CD38: variants seen among roughly 807,000 people sequenced by gnomAD.
CD38 encodes the protein CD38 molecule.
In CD38, 31 loss-of-function variants were observed where a neutral mutation model predicts 36.3. That is an observed-to-expected ratio of 0.85 (90% CI 0.64 to 1.15). The LOEUF (loss-of-function observed/expected upper bound fraction) is 1.15, where lower values mean the gene tolerates loss of function less well. Ranked by LOEUF, CD38 falls within the 50% of genes most tolerant of loss-of-function variation. The pLI is 0.00. For synonymous variants in CD38, 131 were observed against 135.2 expected (o/e 0.97, Z 0.22); for missense variants, 380 against 371.9 (o/e 1.02, Z -0.18).
chr4:15,841,051 GTATT>G (rs1200033694), intron 7 of CD38, among the ~76,000 whole-genome samples: 1 of 151,792 alleles, frequency 6.6e-6, no homozygotes. Context: ...AAAAAAAAAA[GTATT>G]TACAAAATTT....
chr4:15,840,329 G>T (rs1724175215), intron 6 of CD38, 123 bp from the exon 7 acceptor site: 1 of 753,684 alleles, frequency 1.3e-6, no homozygotes, highest in South Asian at 1.7e-5. Context: ...AGCTCTTAGA[G>T]GATTTACCTC....
At chr4:15,838,554 C>G (rs1232152109) in intron 5 of CD38, among the ~76,000 whole-genome samples, 4 of 152,294 alleles carry the variant, frequency 2.6e-5, no homozygotes, top group Admixed American at 6.5e-5. Context: ...TAAATCTTCA[C>G]CATCCATGAA....
rs1722747431 is a variant in CD38 at position 15,783,750 on chromosome 4, C to CTA, written c.233+5103_233+5104insTA. ...AGGACCATCTTTTCTGATTCATGTT[C>CTA]ATGTCGATTTCTTTTTTATTTAACT... On this transcript the variant is annotated intron_variant, in intron 1 of 7. Coordinates refer to ENST00000226279, the MANE Select transcript of CD38 (RefSeq NM_001775.4). Among the ~76,000 whole-genome samples, 9 of 152,292 alleles carry CTA rather than the reference C, an allele frequency of 5.9e-5. No homozygotes were observed. In the South Asian group the frequency reaches 1.9e-3, roughly 32 times the overall value.
intron 1 of CD38, among the ~76,000 whole-genome samples, chr4:15,800,601 C>A (rs984538150): frequency 5.9e-5 from 9 of 152,188 alleles, no homozygotes; most frequent in Admixed American, 2.0e-4. Context: ...GTGTTCAAAT[C>A]TTTTGCCCAT....
intron 1 of CD38, among the ~76,000 whole-genome samples, chr4:15,809,573 T>G (rs1292170963): frequency 6.6e-6 from 1 of 152,178 alleles, no homozygotes; most frequent in African/African-American, 2.4e-5. Flanking sequence ...CCAAAGCTCT[T>G]CAGGTGACCT....
At chr4:15,812,117 T>C (rs1344883972) in intron 1 of CD38, among the ~76,000 whole-genome samples, 1 of 152,228 alleles carries the variant, frequency 6.6e-6, no homozygotes, top group Non-Finnish European at 1.5e-5. Flanking sequence ...CTTGACATAC[T>C]ATTATCATCA....
chr4:15,805,189 T>G (rs1397217328), intron 1 of CD38, among the ~76,000 whole-genome samples: 1 of 152,218 alleles, frequency 6.6e-6, no homozygotes, highest in Non-Finnish European at 1.5e-5. Flanking sequence ...ACCTTTCCAT[T>G]TTCTTTAATG....
chr4:15,822,277 C>T (rs554738440), intron 2 of CD38, among the ~76,000 whole-genome samples: 5 of 152,100 alleles, frequency 3.3e-5, no homozygotes, highest in African/African-American at 7.2e-5. Context: ...CCTTGAAAAC[C>T]GGCACAAGAC....
chr4:15,784,592 GT>G (rs1294234310), intron 1 of CD38, among the ~76,000 whole-genome samples: 1 of 152,154 alleles, frequency 6.6e-6, no homozygotes, highest in Non-Finnish European at 1.5e-5. Flanking sequence ...ATTCCAGCAT[GT>G]TTTTCCCCTG....
rs558728214 is a variant in CD38, at chr4:15,836,250, T to C, written c.586-1842T>C. On this transcript the variant is annotated intron_variant, in intron 4 of 7. Transcript: ENST00000226279. ...AGATTCAATGTCTGGTGAGGGCTGC[T>C]GTCTGCTTCCAAAATGGTGCCTTCT... 2.0e-5 allele frequency among the ~76,000 whole-genome samples: 3 copies of C among 152,316 alleles called. No homozygotes were observed. The South Asian group carries it at 6.2e-4, about 32-fold the overall frequency.
intron 4 of CD38, among the ~76,000 whole-genome samples, chr4:15,835,574 C>T (rs922587717): frequency 3.9e-5 from 6 of 151,908 alleles, no homozygotes; most frequent in African/African-American, 1.5e-4. Flanking sequence ...GACGGAGTTT[C>T]ACCATGTTGG....
At chr4:15,785,855 G>A (rs147453899) in intron 1 of CD38, among the ~76,000 whole-genome samples, 1 of 152,212 alleles carries the variant, frequency 6.6e-6, no homozygotes. Flanking sequence ...GTTCTTAAAG[G>A]TGGTGTGTCC....
chr4:15,796,884 G>C (rs1455353040), intron 1 of CD38, among the ~76,000 whole-genome samples: 1 of 151,882 alleles, frequency 6.6e-6, no homozygotes, highest in Admixed American at 6.6e-5. Context: ...ATCTATGAAC[G>C]TTTCGATTGT....
At chr4:15,791,138 C>A (rs1309773073) in intron 1 of CD38, among the ~76,000 whole-genome samples, 13 of 115,224 alleles carry the variant, frequency 1.1e-4, no homozygotes, top group African/African-American at 1.7e-4. Context: ...TGAGGAGCCC[C>A]TCTGCCCGGC....
At chr4:15,783,243 AG>A (rs1722736135) in intron 1 of CD38, among the ~76,000 whole-genome samples, 1 of 152,148 alleles carries the variant, frequency 6.6e-6, no homozygotes, top group Non-Finnish European at 1.5e-5. Flanking sequence ...GGACGGACCC[AG>A]GTGATGTCAG....
At chr4:15,847,774 C>T (rs1036476882) in intron 7 of CD38, among the ~76,000 whole-genome samples, 4 of 152,100 alleles carry the variant, frequency 2.6e-5, no homozygotes, top group Non-Finnish European at 5.9e-5. Flanking sequence ...AAACATTAAC[C>T]TTTTTCTCAT....
chr4:15,800,003 G>A (rs1723183050), intron 1 of CD38, among the ~76,000 whole-genome samples: 1 of 152,126 alleles, frequency 6.6e-6, no homozygotes, highest in Admixed American at 6.5e-5. Flanking sequence ...AAATAGGGAA[G>A]CTAAAAGCAG....
chr4:15,851,529 T>C lies in CD38; in HGVS notation c.*2927T>C, dbSNP rs1724385741. On this transcript the variant is annotated 3_prime_UTR_variant, in exon 8 of 8. Coordinates refer to ENST00000226279, the MANE Select transcript of CD38 (RefSeq NM_001775.4). ...TTTCTAAATTCCTAAGGCTCACCAT[T>C]TTCCTATTGTAATGGTTCTTGACCT... The C allele has an allele frequency of 6.6e-6, 1 of 152,136 alleles. No individual in the cohort carries two copies. The highest frequency in any genetic ancestry group is 1.5e-5 in the Non-Finnish European group (1 of 68,010). 9.4% of individuals were successfully genotyped at this position (152,136 alleles called of 1,614,324 possible). A position where few individuals can be genotyped will look rare whatever the true frequency, so the allele number is the denominator to read the frequency against.
At chr4:15,798,806 T>C (rs1340516353) in intron 1 of CD38, among the ~76,000 whole-genome samples, 1 of 152,228 alleles carries the variant, frequency 6.6e-6, no homozygotes, top group East Asian at 1.9e-4. Context: ...CCCTGATCAT[T>C]AACATAAGTA....
Sources: gnomAD v4.1 joint callset for allele counts (sites outside exome capture counted in the v4.1 genomes callset) on GRCh38, gnomAD v4.1.1 for gene constraint, MANE v1.5 for transcripts, NCBI Gene and HGNC (gene_info 2026-07-23, HGNC 2026-07-21) for gene names.